Variants in NF1 observed in about 807,000 individuals in gnomAD.
The protein encoded by NF1 is neurofibromin 1.
A neutral mutation model predicts 325.7 loss-of-function variants in NF1; 122 were observed. The ratio of observed to expected loss-of-function variants is 0.37; its 90% CI spans 0.32 to 0.44. The LOEUF (loss-of-function observed/expected upper bound fraction) is 0.44. Ranked by LOEUF, NF1 falls within the 20% of genes least tolerant of loss-of-function variation. The probability of loss-of-function intolerance (pLI) is 1.00; values close to 1 mark genes in which losing one functional copy is unlikely to be tolerated. For missense variants in NF1, 2,140 were observed against 3,415.4 expected, an observed-to-expected ratio of 0.63 and a Z score of 9.31; for synonymous variants, 1,091 against 1,186.0, an observed-to-expected ratio of 0.92 and a Z score of 1.65.
intron 8 of NF1, among the ~76,000 whole-genome samples, chr17:31,184,961 G>C (rs1159350068): frequency 6.6e-6 from 1 of 152,194 alleles, no homozygotes; most frequent in Non-Finnish European, 1.5e-5. Flanking sequence ...GGAGGACCCT[G>C]ATGAAGCTGG....
intron 2 of NF1, 35 bp downstream of exon 2, chr17:31,156,161 G>A: frequency 6.2e-7 from 1 of 1,610,974 alleles, no homozygotes; most frequent in Non-Finnish European, 8.5e-7. Context: ...TGGGGAATTT[G>A]CTTTCTTTTC....
chr17:31,158,978 A>G (rs1567815998), intron 2 of NF1, 32 bp from the exon 3 acceptor site: 1 of 1,368,906 alleles, frequency 7.3e-7, no homozygotes, highest in South Asian at 1.2e-5. Context: ...AAGTGAAACT[A>G]ACTTTTATGT....
At chr17:31,300,018 A>G (rs1346691667) in intron 36 of NF1, among the ~76,000 whole-genome samples, 1 of 152,064 alleles carries the variant, frequency 6.6e-6, no homozygotes, top group African/African-American at 2.4e-5. Flanking sequence ...GATTGCTACA[A>G]TTAGATTATA....
chr17:31,257,423 A>G (rs906899261), intron 31 of NF1, among the ~76,000 whole-genome samples: 1 of 152,208 alleles, frequency 6.6e-6, no homozygotes, highest in South Asian at 2.1e-4. Context: ...ATTTTCATCT[A>G]TGACATGATT....
chr17:31,365,923 G>C (rs2070508896), intron 57 of NF1, among the ~76,000 whole-genome samples: 1 of 151,128 alleles, frequency 6.6e-6, no homozygotes, highest in Non-Finnish European at 1.5e-5. Context: ...GTAAATTCGT[G>C]ATCTATTTAA....
chr17:31,189,996 G>C (rs2066312623), intron 8 of NF1, among the ~76,000 whole-genome samples: 1 of 151,180 alleles, frequency 6.6e-6, no homozygotes, highest in Non-Finnish European at 1.5e-5. Context: ...CCTGACCTCA[G>C]GTGATCTGCC....
At chr17:31,352,997 C>T (rs926007368) in intron 51 of NF1, among the ~76,000 whole-genome samples, 1 of 152,108 alleles carries the variant, frequency 6.6e-6, no homozygotes, top group East Asian at 1.9e-4. Context: ...CAACCTCTGC[C>T]TCCCGGGCTC....
chr17:31,338,151 G>A lies in NF1; in HGVS notation c.6819+12G>A, dbSNP rs2151558468. On this transcript the variant is annotated intron_variant, in intron 45 of 57. Coordinates refer to ENST00000358273, the MANE Select transcript of NF1 (RefSeq NM_001042492.3). ...GTATTCTTAGCAAGGTACCTGTTCC[G>A]CCCTCACTTCTCCCAAATATTTATG... The A allele has an allele frequency of 3.2e-6, 5 of 1,544,594 alleles. No individual in the cohort carries two copies. Among genetic ancestry groups the A allele is most frequent in the South Asian group, 2.2e-5 (2 of 89,650 alleles).
intron 36 of NF1, chr17:31,296,848 T>C (rs990497048): frequency 1.2e-5 from 2 of 160,086 alleles, no homozygotes; most frequent in African/African-American, 4.8e-5. Flanking sequence ...TATCTGTATG[T>C]TTTTAGGATA....
intron 1 of NF1, among the ~76,000 whole-genome samples, chr17:31,149,370 C>T (rs1916782747): frequency 6.6e-6 from 1 of 151,982 alleles, no homozygotes; most frequent in Non-Finnish European, 1.5e-5. Context: ...TGGGGCTTAG[C>T]TCACTGCAGC....
intron 29 of NF1, among the ~76,000 whole-genome samples, chr17:31,245,312 G>A (rs1025348018): frequency 1.3e-5 from 2 of 152,126 alleles, no homozygotes; most frequent in Non-Finnish European, 2.9e-5. Flanking sequence ...TCTTCAATTA[G>A]CCACATATTG....
At position 31,360,506 on chromosome 17, in the gene NF1, A is replaced by G. The variant is rs1453592264; in HGVS notation, c.8180A>G (p.Tyr2727Cys). 6.2e-7 allele frequency: 1 copy of G among 1,614,132 alleles called. No homozygotes were observed. The highest frequency in any genetic ancestry group is 8.5e-7 in the Non-Finnish European group (1 of 1,179,994). Residue 2727 changes from tyrosine (Y) to cysteine (C), a missense_variant, in exon 57 of 58, where the codon TAT becomes TGT. By Grantham distance (194) the Tyr-to-Cys change is radical. Coordinates refer to ENST00000358273, the MANE Select transcript of NF1 (RefSeq NM_001042492.3). ...TTACAGCAAACACAAATTCCAGACT[A>G]TGCTGAGCTTATTGTTAAGTTTCTT... ...PFSKQTQIPD[Y>C]AELIVKFLDA...
chr17:31,163,749 T>C (rs569056629), intron 4 of NF1, among the ~76,000 whole-genome samples: 10 of 152,308 alleles, frequency 6.6e-5, no homozygotes, highest in African/African-American at 2.4e-4. Context: ...GTATGAACTT[T>C]TGGTTTGGCT....
chr17:31,200,374 TAGA>T (rs1291663427), intron 8 of NF1, 45 bp from the exon 9 acceptor site: 2 of 1,572,046 alleles, frequency 1.3e-6, no homozygotes, highest in South Asian at 1.1e-5. Flanking sequence ...ACATCTGGAA[TAGA>T]AGAAACTTCA....
rs550447298 is a variant in NF1, at chr17:31,357,768, C to G, written c.7970+399C>G. The G allele has an allele frequency of 3.0e-4, 79 of 260,436 alleles. 1 individual carries two copies. The Middle Eastern group carries it at 4.5e-3, about 15-fold the overall frequency. 16.1% of individuals were successfully genotyped at this position (260,436 alleles called of 1,614,324 possible). A position where few individuals can be genotyped will look rare whatever the true frequency, so the allele number is the denominator to read the frequency against. ...CTGTTTAGGAGGTGAATTGTTTACT[C>G]TCTCTTAAGGACTAAAAAATATTAA... On this transcript the variant is annotated intron_variant, in intron 54 of 57. Transcript: ENST00000358273.
chr17:31,167,818 G>A (rs1013472272), intron 4 of NF1, among the ~76,000 whole-genome samples: 1 of 152,148 alleles, frequency 6.6e-6, no homozygotes, highest in Middle Eastern at 3.4e-3. Context: ...ATGTTTCTAC[G>A]TTTGTGATAA....
intron 29 of NF1, among the ~76,000 whole-genome samples, chr17:31,248,740 C>A (rs2067442975): frequency 6.6e-6 from 1 of 151,930 alleles, no homozygotes; most frequent in South Asian, 2.1e-4. Context: ...CCAGGCTGGT[C>A]TTGAACTCCT....
rs537643049 is a variant in NF1 at position 31,248,054 on chromosome 17, T to C, written c.3975-930T>C. On this transcript the variant is annotated intron_variant, in intron 29 of 57. Coordinates refer to ENST00000358273, the MANE Select transcript of NF1 (RefSeq NM_001042492.3). Reference sequence around the variant, plus strand: ...CCTGTCTCTACTAAAAATATAAAATTAGCCGGGCGTGGTGGCCCATGCCTG... The same window carrying C: ...CCTGTCTCTACTAAAAATATAAAATCAGCCGGGCGTGGTGGCCCATGCCTG... Among the ~76,000 whole-genome samples, 13 of 150,670 alleles carry C rather than the reference T, an allele frequency of 8.6e-5. 1 individual carries two copies. Among genetic ancestry groups the C allele is most frequent in the African/African-American group, 3.2e-4 (13 of 40,890 alleles).
intron 15 of NF1, chr17:31,222,710 T>A (rs2066947233): frequency 9.7e-6 from 2 of 206,884 alleles, no homozygotes; most frequent in African/African-American, 4.7e-5. Flanking sequence ...GTAATCAATA[T>A]AAAAGTTATT....
Sources: gnomAD v4.1 joint callset for allele counts (sites outside exome capture counted in the v4.1 genomes callset) on GRCh38, gnomAD v4.1.1 for gene constraint, MANE v1.5 for transcripts, NCBI Gene and HGNC (gene_info 2026-07-23, HGNC 2026-07-21) for gene names.